Variants in SRPK2 observed in about 807,000 individuals in gnomAD.
The protein encoded by SRPK2 is SFRS protein kinase 2.
SRPK2 carries 21 observed loss-of-function variants against 90.8 expected under a neutral mutation model. The ratio of observed to expected loss-of-function variants is 0.23; its 90% CI spans 0.16 to 0.33. The LOEUF (loss-of-function observed/expected upper bound fraction) is 0.33, where lower values mean the gene tolerates loss of function less well. SRPK2 is among the 10% of genes least tolerant of loss of function. The probability of loss-of-function intolerance (pLI) is 1.00; values close to 1 mark genes in which losing one functional copy is unlikely to be tolerated. For synonymous variants in SRPK2, 288 were observed against 311.1 expected (o/e 0.93, Z 0.78); for missense variants, 620 against 869.0 (o/e 0.71, Z 3.60).
chr7:105,292,481 G>A (rs1193958840), intron 2 of SRPK2, among the ~76,000 whole-genome samples: 4 of 116,414 alleles, frequency 3.4e-5, no homozygotes, highest in Admixed American at 1.2e-4. Flanking sequence ...CAGCCTGGGC[G>A]ATAGAGTAAG....
At chr7:105,353,063 T>C (rs1055315526) in intron 2 of SRPK2, among the ~76,000 whole-genome samples, 1 of 152,208 alleles carries the variant, frequency 6.6e-6, no homozygotes, top group Non-Finnish European at 1.5e-5. Flanking sequence ...CATAAATCCC[T>C]TATTATCTAA....
At chr7:105,296,761 G>A (rs1291832493) in intron 2 of SRPK2, among the ~76,000 whole-genome samples, 1 of 152,158 alleles carries the variant, frequency 6.6e-6, no homozygotes, top group Non-Finnish European at 1.5e-5. Flanking sequence ...TATGTGCCAG[G>A]TACTGTTGTG....
At chr7:105,115,007 A>G (rs1799546155), downstream of SRPK2, among the ~76,000 whole-genome samples, 1 of 152,240 alleles carries the variant, frequency 6.6e-6, no homozygotes, top group African/African-American at 2.4e-5. Context: ...AAATAAAAAT[A>G]TTCTTCTTAA....
At chr7:105,168,491 T>G (rs1232117628) in intron 4 of SRPK2, among the ~76,000 whole-genome samples, 2 of 152,180 alleles carry the variant, frequency 1.3e-5, no homozygotes, top group Non-Finnish European at 2.9e-5. Flanking sequence ...GATATTCAAC[T>G]TGTAATGAGA....
intron 15 of SRPK2, among the ~76,000 whole-genome samples, chr7:105,118,672 G>T (rs948526200): frequency 6.6e-6 from 1 of 152,130 alleles, no homozygotes; most frequent in South Asian, 2.1e-4. Context: ...AATCCTAGCC[G>T]TTTGGGAGGC....
intron 9 of SRPK2, among the ~76,000 whole-genome samples, chr7:105,144,269 C>G (rs1357390417): frequency 8.1e-6 from 1 of 123,030 alleles, no homozygotes; most frequent in Non-Finnish European, 1.7e-5. Flanking sequence ...GAGATGGAGT[C>G]TCACTCTGTC....
intron 2 of SRPK2, among the ~76,000 whole-genome samples, chr7:105,328,407 C>CA (rs1159928659): frequency 1.3e-5 from 2 of 149,884 alleles, no homozygotes; most frequent in Non-Finnish European, 3.0e-5. Context: ...ACTAAAAATA[C>CA]AAAAAATTAG....
At chr7:105,207,017 G>A (rs550787119) in intron 2 of SRPK2, among the ~76,000 whole-genome samples, 4 of 152,250 alleles carry the variant, frequency 2.6e-5, no homozygotes, top group East Asian at 1.9e-4. Context: ...CAATGTAACC[G>A]CCAATTCTTT....
chr7:105,359,606 A>G (rs1378204861), intron 2 of SRPK2, among the ~76,000 whole-genome samples: 1 of 152,170 alleles, frequency 6.6e-6, no homozygotes, highest in Non-Finnish European at 1.5e-5. Flanking sequence ...TGCTGCTGCT[A>G]TGTCATCTTC....
chr7:105,261,947 A>G (rs1169880580), intron 2 of SRPK2, among the ~76,000 whole-genome samples: 1 of 152,200 alleles, frequency 6.6e-6, no homozygotes, highest in Non-Finnish European at 1.5e-5. Context: ...GAAGAGATAC[A>G]TGAGACAAGG....
At chr7:105,154,549 G>A (rs370664801) in intron 7 of SRPK2, among the ~76,000 whole-genome samples, 3 of 152,192 alleles carry the variant, frequency 2.0e-5, no homozygotes, top group East Asian at 1.9e-4. Flanking sequence ...GAGGACCTGC[G>A]GGGCACCACC....
chr7:105,295,683 A>C (rs1037498355), intron 2 of SRPK2, among the ~76,000 whole-genome samples: 20 of 152,210 alleles, frequency 1.3e-4, no homozygotes, highest in African/African-American at 4.8e-4. Flanking sequence ...AATTTCTAAA[A>C]ACAGTGGTCA....
chr7:105,333,236 A>C (rs1814657883), intron 2 of SRPK2, among the ~76,000 whole-genome samples: 1 of 152,144 alleles, frequency 6.6e-6, no homozygotes, highest in Non-Finnish European at 1.5e-5. Flanking sequence ...AAAAAGCCTA[A>C]AACTATGGAT....
chr7:105,148,322 A>ACAGTCTAAAT (rs1562987936), intron 7 of SRPK2, among the ~76,000 whole-genome samples: 1 of 152,256 alleles, frequency 6.6e-6, no homozygotes, highest in Non-Finnish European at 1.5e-5. Context: ...GTATCTAGAC[A>ACAGTCTAAAT]ACCCTACAGC....
At chr7:105,147,338 G>A (rs1458691660) in intron 7 of SRPK2, among the ~76,000 whole-genome samples, 6 of 151,932 alleles carry the variant, frequency 3.9e-5, no homozygotes, top group Non-Finnish European at 7.4e-5. Context: ...TATTTTTTGA[G>A]ACAGAGTCTC....
chr7:105,207,097 T>C (rs904421181), intron 2 of SRPK2, among the ~76,000 whole-genome samples: 3 of 152,162 alleles, frequency 2.0e-5, no homozygotes, highest in African/African-American at 4.8e-5. Context: ...AGGGCAGAAA[T>C]AGAGAAGAGA....
chr7:105,348,493 C>A (rs576525983), intron 2 of SRPK2, among the ~76,000 whole-genome samples: 1 of 149,570 alleles, frequency 6.7e-6, no homozygotes, highest in African/African-American at 2.5e-5. Flanking sequence ...GGCATGATCA[C>A]GGCTCACTGC....
At chr7:105,257,050 G>A (rs1392946463) in intron 2 of SRPK2, among the ~76,000 whole-genome samples, 1 of 152,138 alleles carries the variant, frequency 6.6e-6, no homozygotes, top group Non-Finnish European at 1.5e-5. Context: ...TATGCCAGGG[G>A]CCAGCCACCC....
intron 3 of SRPK2, among the ~76,000 whole-genome samples, chr7:105,180,036 C>A (rs183761932): frequency 2.2e-4 from 34 of 152,158 alleles, no homozygotes; most frequent in Admixed American, 5.2e-4. Flanking sequence ...AATGCTATTC[C>A]TATCAAACTA....
Sources: allele counts gnomAD v4.1 joint callset (sites outside exome capture counted in the v4.1 genomes callset), GRCh38; gene constraint gnomAD v4.1.1; transcripts MANE v1.5; gene names NCBI Gene and HGNC (gene_info 2026-07-23, HGNC 2026-07-21).